Variants in C15orf61 observed in about 807,000 individuals in gnomAD.
C15orf61 encodes uncharacterized protein C15orf61.
Under a neutral mutation model 13.7 loss-of-function variants are expected in C15orf61, and 12 were observed. The ratio of observed to expected loss-of-function variants is 0.88; its 90% confidence interval spans 0.56 to 1.42. C15orf61 has a LOEUF of 1.42. Ranked by LOEUF, C15orf61 falls within the 40% of genes most tolerant of loss-of-function variation. The pLI is 0.00. For synonymous variants in C15orf61, 92 were observed against 94.1 expected (o/e 0.98, Z 0.13); for missense variants, 248 against 213.2 (o/e 1.16, Z -1.02).
Position 67,529,587 on chromosome 15 carries a change from C to T in C15orf61, c.*3042C>T, listed in dbSNP as rs1395156876. The T allele has an allele frequency of 1.3e-5, 2 of 152,254 alleles. No homozygotes were observed. The highest frequency in any genetic ancestry group is 6.6e-5 in the Admixed American group (1 of 15,254). The allele number at this position is 152,254 out of a possible 1,614,324, so 9.4% of individuals were successfully genotyped here. ...TTACAGGTATGCACCACCACGCCGG[C>T]TAATTTTGTATTTTCTGTACAGACG... On this transcript the variant is annotated 3_prime_UTR_variant, in exon 2 of 2. Coordinates refer to ENST00000342683, the MANE Select transcript of C15orf61 (RefSeq NM_001143936.2). The surrounding 1 kb of genome is among the most constrained non-coding windows in gnomAD (Gnocchi z 4.4).
rs952089969 is a variant in C15orf61 at position 67,521,567 on chromosome 15, T to C, written c.319T>C (p.Phe107Leu). 6.5e-7 allele frequency: 1 copy of C among 1,539,698 alleles called. No individual in the cohort carries two copies. ...GGACCTGGCCCGGCAGAACCGCTTC[T>C]TCACGGCGCTCAAGGTCGTCAACCT... is the stretch of plus-strand genomic sequence containing the variant. ...WQDLARQNRF[F>L]TALKVVNLGI... is the part of the protein sequence containing the mutation. Residue 107 changes from phenylalanine (F) to leucine (L), a missense_variant, in exon 1 of 2, where the codon TTC (phenylalanine) becomes CTC (leucine). Physicochemically the swap from Phe to Leu is conservative, Grantham distance 22. Coordinates refer to ENST00000342683, the MANE Select transcript of C15orf61 (RefSeq NM_001143936.2).
At chr15:67,521,944 C>T in intron 1 of C15orf61, 1 of 687,146 alleles carries the variant, frequency 1.5e-6, no homozygotes, top group Non-Finnish European at 2.7e-6. Context: ...CTGAAGTTGA[C>T]ATCCGTCCTA....
rs1435447117 is a variant in C15orf61, at chr15:67,528,123, C to T, written c.*1578C>T. On this transcript the variant is annotated 3_prime_UTR_variant, in exon 2 of 2. Coordinates refer to ENST00000342683, the MANE Select transcript of C15orf61 (RefSeq NM_001143936.2). ...AATAGTGGCTGTAAAGGTTTGGTCC[C>T]AACACAAGGCTGATAAAATGGTCTT... 2 of 152,138 alleles carry T rather than the reference C, an allele frequency of 1.3e-5. No individual in the cohort carries two copies. The highest frequency in any genetic ancestry group is 3.8e-4 in the East Asian group (2 of 5,196). The allele number at this position is 152,138 out of a possible 1,614,324, so 9.4% of individuals were successfully genotyped here. A position where few individuals can be genotyped will look rare whatever the true frequency, so the allele number is the denominator to read the frequency against.
At chr15:67,522,587 C>A (rs2084174362) in intron 1 of C15orf61, among the ~76,000 whole-genome samples, 1 of 152,108 alleles carries the variant, frequency 6.6e-6, no homozygotes, top group Admixed American at 6.5e-5. Flanking sequence ...TGTTTAGCAA[C>A]GTGTTATCCT....
intron 1 of C15orf61, among the ~76,000 whole-genome samples, chr15:67,524,617 G>T (rs547276089): frequency 6.6e-6 from 1 of 152,002 alleles, no homozygotes; most frequent in African/African-American, 2.4e-5. Context: ...AGCCTGAATG[G>T]GCATTTTTTT....
intron 1 of C15orf61, among the ~76,000 whole-genome samples, chr15:67,523,474 C>T (rs2140927526): frequency 6.6e-6 from 1 of 152,246 alleles, no homozygotes; most frequent in East Asian, 1.9e-4. Flanking sequence ...GTCTTCCCTT[C>T]AATGGAAGCT....
intron 1 of C15orf61, among the ~76,000 whole-genome samples, chr15:67,526,160 G>A (rs577758330): frequency 1.3e-5 from 2 of 152,138 alleles, no homozygotes; most frequent in Non-Finnish European, 2.9e-5. Context: ...TTATTTGAGG[G>A]TAATGAATTT....
Position 67,521,542 on chromosome 15 carries a change from G to T in C15orf61, c.294G>T (p.Gln98His). ...ACCACTGCTCCAAGGCTCCCTGGCA[G>T]GACCTGGCCCGGCAGAACCGCTTCT... ...IKYHCSKAPW[Q>H]DLARQNRFFT... Residue 98 changes from glutamine (Q) to histidine (H), a missense_variant, in exon 1 of 2, where the codon CAG (glutamine) becomes CAT (histidine). Coordinates refer to ENST00000342683, the MANE Select transcript of C15orf61 (RefSeq NM_001143936.2). 1 of 1,546,654 alleles carries T rather than the reference G, an allele frequency of 6.5e-7. No homozygotes were observed.
chr15:67,526,426 A>T lies in C15orf61; in HGVS notation c.355A>T (p.Thr119Ser). 1 of 1,525,502 alleles carries T rather than the reference A, an allele frequency of 6.6e-7. No individual in the cohort carries two copies. The highest frequency in any genetic ancestry group is 8.9e-7 in the Non-Finnish European group (1 of 1,126,146). The allele number at this position is 1,525,502 out of a possible 1,614,324, so 94.5% of individuals were successfully genotyped here. ...ATTCGTTTGTTTTCTAGGTATTCCA[A>T]CTTTATTATATGGACTTGGCTCCTG... ...ALKVVNLGIP[T>S]LLYGLGSWLF... Residue 119 changes from threonine to serine, a missense_variant, in exon 2 of 2, where the codon ACT becomes TCT. By Grantham distance (58) the Thr-to-Ser change is moderately conservative. Coordinates refer to ENST00000342683, the MANE Select transcript of C15orf61 (RefSeq NM_001143936.2).
chr15:67,522,496 A>AT (rs1173712915), intron 1 of C15orf61, among the ~76,000 whole-genome samples: 1 of 152,230 alleles, frequency 6.6e-6, no homozygotes, highest in East Asian at 1.9e-4. Flanking sequence ...TAGTCTGTGT[A>AT]TTTGTGCTTA....
chr15:67,526,733 G>A lies in C15orf61; in HGVS notation c.*188G>A. On this transcript the variant is annotated 3_prime_UTR_variant, in exon 2 of 2. Coordinates refer to ENST00000342683, the MANE Select transcript of C15orf61 (RefSeq NM_001143936.2). ...TACATCGTTATATATTACATACTCT[G>A]TTTAGCTGATGTGAACTACAAACAC... 1 of 446,674 alleles carries A rather than the reference G, an allele frequency of 2.2e-6. No individual in the cohort carries two copies. 27.7% of individuals were successfully genotyped at this position (446,674 alleles called of 1,614,324 possible).
chr15:67,529,256 G>A lies in C15orf61; in HGVS notation c.*2711G>A, dbSNP rs2140929637. 1 of 152,280 alleles carries A rather than the reference G, an allele frequency of 6.6e-6. No individual in the cohort carries two copies. The highest frequency in any genetic ancestry group is 1.9e-4 in the East Asian group (1 of 5,184). The allele number at this position is 152,280 out of a possible 1,614,324, so 9.4% of individuals were successfully genotyped here. On this transcript the variant is annotated 3_prime_UTR_variant, in exon 2 of 2. Coordinates refer to ENST00000342683, the MANE Select transcript of C15orf61 (RefSeq NM_001143936.2). The surrounding 1 kb of genome is among the most constrained non-coding windows in gnomAD (Gnocchi z 4.4). ...TTCTTAGTTCCTGTGTAAGTTGTGAGCCACTATAAAGATGCAGTAACCTAT... is the reference window on the plus strand; with the variant it reads ...TTCTTAGTTCCTGTGTAAGTTGTGAACCACTATAAAGATGCAGTAACCTAT...
intron 1 of C15orf61, chr15:67,521,924 G>C: frequency 1.5e-6 from 1 of 679,088 alleles, no homozygotes; most frequent in Non-Finnish European, 2.7e-6. Context: ...ACGCCCCCTA[G>C]AAAGTGGCTC....
rs951783777 is a variant in C15orf61 at position 67,527,774 on chromosome 15, C to G, written c.*1229C>G. On this transcript the variant is annotated 3_prime_UTR_variant, in exon 2 of 2. Transcript: ENST00000342683. ...ACAAACTAGCTTCGTTAAAGGTAGTCATTTTAAATGATCTACAGAGTGAAC... is the reference window on the plus strand; with the variant it reads ...ACAAACTAGCTTCGTTAAAGGTAGTGATTTTAAATGATCTACAGAGTGAAC... 1 of 152,196 alleles carries G rather than the reference C, an allele frequency of 6.6e-6. No individual in the cohort carries two copies. Among genetic ancestry groups the G allele is most frequent in the Non-Finnish European group, 1.5e-5 (1 of 68,012 alleles). The allele number at this position is 152,196 out of a possible 1,614,324, so 9.4% of individuals were successfully genotyped here.
intron 1 of C15orf61, among the ~76,000 whole-genome samples, chr15:67,523,466 CT>C (rs1195254410): frequency 1.3e-5 from 2 of 152,148 alleles, no homozygotes; most frequent in African/African-American, 4.8e-5. Flanking sequence ...TCTCCTCCGT[CT>C]TCCCTTCAAT....
chr15:67,521,238 CGCG>C lies in C15orf61; in HGVS notation c.-6_-4del, dbSNP rs1863249582. 8.2e-7 allele frequency: 1 copy of C among 1,224,502 alleles called. No individual in the cohort carries two copies. The highest frequency in any genetic ancestry group is 1.6e-5 in the African/African-American group (1 of 63,792). 75.9% of individuals were successfully genotyped at this position (1,224,502 alleles called of 1,614,324 possible). A position where few individuals can be genotyped will look rare whatever the true frequency, so the allele number is the denominator to read the frequency against. Reference sequence around the variant, plus strand: ...TGCGGACACCAGCCTGCGTCCCCGGCGCGGCGGGCCATGGAGGCCCTGAGGAGG... The same window carrying C: ...TGCGGACACCAGCCTGCGTCCCCGGCGCGGGCCATGGAGGCCCTGAGGAGG... On this transcript the variant is annotated 5_prime_UTR_variant, in exon 1 of 2. Coordinates refer to ENST00000342683, the MANE Select transcript of C15orf61 (RefSeq NM_001143936.2).
chr15:67,526,379 A>G (rs756413415), intron 1 of C15orf61, 39 bp from the exon 2 acceptor site: 2 of 1,343,632 alleles, frequency 1.5e-6, no homozygotes, highest in Non-Finnish European at 2.0e-6. Context: ...TGCATGATTA[A>G]TAAGCATTGA....
intron 1 of C15orf61, chr15:67,522,178 C>T: frequency 2.8e-6 from 2 of 701,932 alleles, no homozygotes; most frequent in Admixed American, 2.0e-5. Context: ...TTCATGGAGA[C>T]GCCCTGAGGA....
Position 67,526,523 on chromosome 15 carries a change from A to G in C15orf61, c.452A>G (p.Glu151Gly), listed in dbSNP as rs1293369522. The G allele has an allele frequency of 6.5e-7, 1 of 1,538,650 alleles. No individual in the cohort carries two copies. Among genetic ancestry groups the G allele is most frequent in the East Asian group, 2.5e-5 (1 of 40,548 alleles). ...ATAACAGTTTATTTTCTCAATAAAG[A>G]AGATGAAGGTGCCATGTATTGAAAG... ...GPITVYFLNK[E>G]DEGAMY The change falls in exon 2 of 2, where the codon GAA (glutamate) becomes GGA (glycine). Residue 151 changes from glutamate to glycine, a missense_variant. Coordinates refer to ENST00000342683, the MANE Select transcript of C15orf61 (RefSeq NM_001143936.2).
Sources: allele counts gnomAD v4.1 joint callset (sites outside exome capture counted in the v4.1 genomes callset), GRCh38; gene constraint gnomAD v4.1.1; non-coding constraint Gnocchi (gnomAD v3.1); transcripts MANE v1.5; gene names NCBI Gene and HGNC (gene_info 2026-07-23, HGNC 2026-07-21).